The following KCNG2 variants were observed in gnomAD, a reference collection of about 807,000 sequenced individuals.
The protein encoded by KCNG2 is voltage-gated potassium channel regulatory subunit KCNG2.
KCNG2 carries 7 observed loss-of-function variants against 12.3 expected under a neutral mutation model. The ratio of observed to expected loss-of-function variants is 0.57; its 90% CI spans 0.32 to 1.07. The LOEUF (loss-of-function observed/expected upper bound fraction) is 1.07, where lower values mean the gene tolerates loss of function less well. Ranked by LOEUF, KCNG2 falls within the 50% of genes least tolerant of loss-of-function variation. The pLI, the probability that KCNG2 is intolerant of heterozygous loss-of-function variation, is 0.04. For missense variants in KCNG2, 703 were observed against 726.0 expected, an observed-to-expected ratio of 0.97 and a Z score of 0.36; for synonymous variants, 414 against 351.4, an observed-to-expected ratio of 1.18 and a Z score of -1.99.
intron 2 of KCNG2, among the ~76,000 whole-genome samples, chr18:79,860,838 C>T (rs1979187584): frequency 6.6e-6 from 1 of 152,154 alleles, no homozygotes; most frequent in Non-Finnish European, 1.5e-5. Flanking sequence ...ACTATAATTT[C>T]CAGTTCAATG....
intron 1 of KCNG2, among the ~76,000 whole-genome samples, chr18:79,819,078 G>A (rs2087551536): frequency 6.6e-6 from 1 of 152,214 alleles, no homozygotes; most frequent in Non-Finnish European, 1.5e-5. Flanking sequence ...AAAAATAAGG[G>A]AAGAAGAAAG....
At chr18:79,883,003 G>A (rs1322621079) in intron 3 of KCNG2, among the ~76,000 whole-genome samples, 6 of 152,372 alleles carry the variant, frequency 3.9e-5, no homozygotes, top group African/African-American at 1.4e-4. Context: ...CGTACAGAGC[G>A]AGTGTTCAGC....
chr18:79,806,468 A>G (rs559531680), intron 1 of KCNG2, among the ~76,000 whole-genome samples: 21 of 152,276 alleles, frequency 1.4e-4, no homozygotes, highest in African/African-American at 4.8e-4. Flanking sequence ...GGCCTGCGAC[A>G]TGGTCTCACT....
rs375805628 is a variant in KCNG2, at chr18:79,809,587, A to G, written c.-115+11573A>G. ...CGCTCTGAGGAGCTGCCGGGGCCTCACTGACCACACTCCACGTTACGGTCC... is the reference window on the plus strand; with the variant it reads ...CGCTCTGAGGAGCTGCCGGGGCCTCGCTGACCACACTCCACGTTACGGTCC... On this transcript the variant is annotated intron_variant, in intron 1 of 3. Transcript: ENST00000316249. 1.8e-3 allele frequency among the ~76,000 whole-genome samples: 121 copies of G among 67,494 alleles called. 2 individuals carry two copies. The highest frequency in any genetic ancestry group is 9.1e-3 in the South Asian group (13 of 1,422). The allele number at this position is 67,494 out of a possible 152,430, so 44.3% of individuals were successfully genotyped here.
At chr18:79,847,289 A>T (rs1978659136) in intron 1 of KCNG2, among the ~76,000 whole-genome samples, 1 of 152,164 alleles carries the variant, frequency 6.6e-6, no homozygotes, top group Non-Finnish European at 1.5e-5. Context: ...GGGGTCGGAT[A>T]GCTTTGCTGG....
chr18:79,871,992 C>T lies in KCNG2; in HGVS notation c.624+7701C>T, dbSNP rs1268810610. Among the ~76,000 whole-genome samples the T allele has an allele frequency of 2.0e-5, 3 of 152,326 alleles. No homozygotes were observed. The East Asian group carries it at 5.8e-4, about 29-fold the overall frequency. On this transcript the variant is annotated intron_variant, in intron 3 of 3. Transcript: ENST00000316249. ...ACCAAGCTCTGGGAGGCGGGCAGGGCCCAGTGATGGCAACGCTCCTGCACG... is the reference window on the plus strand; with the variant it reads ...ACCAAGCTCTGGGAGGCGGGCAGGGTCCAGTGATGGCAACGCTCCTGCACG...
chr18:79,806,257 G>A (rs985575107), intron 1 of KCNG2, among the ~76,000 whole-genome samples: 1 of 152,306 alleles, frequency 6.6e-6, no homozygotes, highest in South Asian at 2.1e-4. Context: ...GGGGCCATCA[G>A]CAAGCCCCTT....
chr18:79,887,804 A>G (rs1980585295), intron 3 of KCNG2, among the ~76,000 whole-genome samples: 1 of 152,052 alleles, frequency 6.6e-6, no homozygotes, highest in African/African-American at 2.4e-5. Context: ...CACTTTTCCC[A>G]GGGCCTGTGA....
At chr18:79,804,511 C>G (rs1035761497) in intron 1 of KCNG2, among the ~76,000 whole-genome samples, 2 of 152,216 alleles carry the variant, frequency 1.3e-5, no homozygotes, top group African/African-American at 4.8e-5. Context: ...TCAGGTGCAC[C>G]CGTGGCCGGT....
At chr18:79,821,600 A>AT (rs2087571206) in intron 1 of KCNG2, among the ~76,000 whole-genome samples, 2 of 152,174 alleles carry the variant, frequency 1.3e-5, no homozygotes, top group South Asian at 4.2e-4. Context: ...TTTTACTTGA[A>AT]TTGTGTATAT....
chr18:79,833,395 C>T (rs1012513692), intron 1 of KCNG2, among the ~76,000 whole-genome samples: 17 of 152,218 alleles, frequency 1.1e-4, no homozygotes, highest in Admixed American at 3.3e-4. Context: ...CCTGCCTCAG[C>T]GTCCCAACGT....
chr18:79,864,754 C>A (rs1457293456), intron 3 of KCNG2, among the ~76,000 whole-genome samples: 1 of 151,902 alleles, frequency 6.6e-6, no homozygotes, highest in African/African-American at 2.4e-5. Flanking sequence ...GGCTATGGAA[C>A]CGAGGTCTGG....
chr18:79,820,005 C>T (rs546017672), intron 1 of KCNG2, among the ~76,000 whole-genome samples: 10 of 152,360 alleles, frequency 6.6e-5, no homozygotes, highest in African/African-American at 2.2e-4. Context: ...CAGCTCCAGC[C>T]GCGCTCCGAG....
chr18:79,853,713 A>AC (rs1472802954), intron 1 of KCNG2, among the ~76,000 whole-genome samples: 1 of 152,092 alleles, frequency 6.6e-6, no homozygotes, highest in Non-Finnish European at 1.5e-5. Context: ...GCTGTGGGTG[A>AC]CCCCCAAGGA....
intron 1 of KCNG2, among the ~76,000 whole-genome samples, chr18:79,820,939 T>A (rs1308129388): frequency 6.6e-6 from 1 of 151,886 alleles, no homozygotes; most frequent in Non-Finnish European, 1.5e-5. Context: ...TGAGCCACCA[T>A]GCCTAGCCCC....
Position 79,800,442 on chromosome 18 carries a change from T to C in KCNG2, c.-115+2428T>C, listed in dbSNP as rs191481123. Among the ~76,000 whole-genome samples the C allele has an allele frequency of 2.0e-5, 3 of 152,258 alleles. No individual in the cohort carries two copies. In the East Asian group the frequency reaches 5.8e-4, roughly 29 times the overall value. On this transcript the variant is annotated intron_variant, in intron 1 of 3. Transcript: ENST00000316249. This position sits in a 1 kb window ranked among gnomAD's most constrained non-coding sequence, Gnocchi z 4.0. ...TGCTGCCATCAGGTAGCCCAGCCGGTAGGCATGAGTCCAACGAGGGCGGGC... is the reference window on the plus strand; with the variant it reads ...TGCTGCCATCAGGTAGCCCAGCCGGCAGGCATGAGTCCAACGAGGGCGGGC...
At chr18:79,814,671 C>T (rs2087515712) in intron 1 of KCNG2, among the ~76,000 whole-genome samples, 1 of 152,194 alleles carries the variant, frequency 6.6e-6, no homozygotes, top group Admixed American at 6.5e-5. Flanking sequence ...TTGCAAGAGG[C>T]CACCATTGGC....
rs762727679 is a variant in KCNG2 at position 79,899,255 on chromosome 18, G to A, written c.840G>A (p.Leu280=). The A allele has an allele frequency of 6.3e-7, 1 of 1,592,258 alleles. No individual in the cohort carries two copies. Among genetic ancestry groups the A allele is most frequent in the Non-Finnish European group, 8.5e-7 (1 of 1,175,632 alleles). The change falls in exon 4 of 4, where the codon CTG becomes CTA. Residue 280 remains leucine, a synonymous_variant. Transcript: ENST00000316249. ...LAAGPGGTKL[L]ERAGLVLRLL... ...CAGGCCCGGGCGGGACCAAGCTCCT[G>A]GAGCGCGCGGGGCTGGTGCTGCGGC...
chr18:79,895,334 G>GT (rs1380310352), intron 3 of KCNG2, among the ~76,000 whole-genome samples: 1 of 152,086 alleles, frequency 6.6e-6, no homozygotes, highest in African/African-American at 2.4e-5. Flanking sequence ...AATTCATATA[G>GT]TTGAGTCTGT....
Sources: gnomAD v4.1 joint callset for allele counts (sites outside exome capture counted in the v4.1 genomes callset) on GRCh38, gnomAD v4.1.1 for gene constraint, Gnocchi (gnomAD v3.1) non-coding constraint, MANE v1.5 for transcripts, NCBI Gene and HGNC (gene_info 2026-07-23, HGNC 2026-07-21) for gene names.